The following XRCC5 variants were observed in gnomAD, a reference collection of about 807,000 sequenced individuals.
XRCC5 encodes DNA repair protein Ku80.
XRCC5 carries 12 observed loss-of-function variants against 95.7 expected under a neutral mutation model. That is an observed-to-expected ratio of 0.13 (90% CI 0.08 to 0.20). The LOEUF (loss-of-function observed/expected upper bound fraction) is 0.20. Ranked by LOEUF, XRCC5 falls within the 10% of genes least tolerant of loss-of-function variation. The probability of loss-of-function intolerance (pLI) is 1.00; values close to 1 mark genes in which losing one functional copy is unlikely to be tolerated. For missense variants in XRCC5, 595 were observed against 873.9 expected (o/e 0.68, Z 4.02); for synonymous variants, 281 against 290.3 (o/e 0.97, Z 0.33).
chr2:216,198,533 TTTTA>T (rs3080564), intron 19 of XRCC5, among the ~76,000 whole-genome samples: 12,143 of 147,800 alleles, frequency 0.082, 1,216 homozygotes, highest in East Asian at 0.48. Context: ...TGAAAAATGC[TTTTA>T]TTTATTTATT....
intron 2 of XRCC5, among the ~76,000 whole-genome samples, chr2:216,115,034 G>C (rs1003723604): frequency 7.7e-6 from 1 of 129,446 alleles, no homozygotes; most frequent in African/African-American, 4.9e-5. Context: ...ACTAAACAAA[G>C]AAGGGCGCAG....
At chr2:216,132,759 T>C (rs6751061) in intron 10 of XRCC5, among the ~76,000 whole-genome samples, 6,959 of 152,222 alleles carry the variant, frequency 0.046, 515 homozygotes, top group African/African-American at 0.16. Flanking sequence ...AAATGTGTCT[T>C]TTCTCTATTC....
intron 1 of XRCC5, 144 bp downstream of exon 1, chr2:216,109,601 G>A (rs1696548281): frequency 2.4e-6 from 3 of 1,257,848 alleles, no homozygotes; most frequent in East Asian, 2.7e-5. Flanking sequence ...AGGAGGGCCG[G>A]GACCGAGGGA....
chr2:216,172,564 G>C (rs1689188928), intron 16 of XRCC5, among the ~76,000 whole-genome samples: 1 of 143,974 alleles, frequency 6.9e-6, no homozygotes, highest in African/African-American at 2.6e-5. Context: ...CACCTCCCGG[G>C]TTCAAGTGAT....
At chr2:216,127,800 T>G in intron 8 of XRCC5, 126 bp downstream of exon 8, 1 of 1,142,298 alleles carries the variant, frequency 8.8e-7, no homozygotes, top group South Asian at 1.8e-5. Context: ...TATAACAGTT[T>G]GAAAGGATAA....
At chr2:216,195,211 CT>C (rs1689692186) in intron 19 of XRCC5, among the ~76,000 whole-genome samples, 2 of 152,146 alleles carry the variant, frequency 1.3e-5, no homozygotes, top group Non-Finnish European at 2.9e-5. Context: ...GTAATCCCAG[CT>C]TCAGTACCCC....
intron 12 of XRCC5, among the ~76,000 whole-genome samples, chr2:216,140,724 T>G (rs1396601343): frequency 6.6e-6 from 1 of 152,220 alleles, no homozygotes; most frequent in African/African-American, 2.4e-5. Context: ...GTTAAGGTGC[T>G]GTACTCTGAT....
intron 16 of XRCC5, among the ~76,000 whole-genome samples, chr2:216,174,212 CTTAAAT>C (rs1689226865): frequency 6.6e-6 from 1 of 152,096 alleles, no homozygotes; most frequent in African/African-American, 2.4e-5. Flanking sequence ...CCTTAATGCT[CTTAAAT>C]TCAAAAATAT....
chr2:216,143,866 C>G (rs1408328897), intron 13 of XRCC5, among the ~76,000 whole-genome samples: 3 of 132,046 alleles, frequency 2.3e-5, no homozygotes, highest in Admixed American at 7.2e-5. Context: ...GCCACCACGC[C>G]CGGCTAATTT....
chr2:216,139,590 C>G (rs954851104), intron 12 of XRCC5, among the ~76,000 whole-genome samples: 6 of 152,186 alleles, frequency 3.9e-5, no homozygotes, highest in Non-Finnish European at 7.4e-5. Flanking sequence ...GGTGGGGACA[C>G]AGCCAATTCT....
rs775462055 is a variant in XRCC5, at chr2:216,190,351, A to G, written c.1944+17A>G. On this transcript the variant is annotated intron_variant, in intron 17 of 20. Coordinates refer to ENST00000392132, the MANE Select transcript of XRCC5 (RefSeq NM_021141.4). ...GCCATTAAGGTAATGCTATCCTAGC[A>G]TCTCTTTTCTTCCTAAACAGTTGGC... 3 of 1,604,764 alleles carry G rather than the reference A, an allele frequency of 1.9e-6. No individual in the cohort carries two copies. The South Asian group carries it at 3.3e-5, about 18-fold the overall frequency.
At chr2:216,147,145 A>G (rs575742577) in intron 13 of XRCC5, among the ~76,000 whole-genome samples, 6 of 152,268 alleles carry the variant, frequency 3.9e-5, no homozygotes, top group Admixed American at 1.3e-4. Flanking sequence ...CTGCGGAGAT[A>G]GTATTTCAGC....
At chr2:216,191,331 TAAAAG>T (rs938883447) in intron 17 of XRCC5, among the ~76,000 whole-genome samples, 3 of 151,786 alleles carry the variant, frequency 2.0e-5, no homozygotes, top group Admixed American at 1.3e-4. Flanking sequence ...TTAAAAAAAA[TAAAAG>T]AGAGACAAGA....
intron 15 of XRCC5, 75 bp downstream of exon 15, chr2:216,160,236 G>T: frequency 1.0e-6 from 1 of 990,362 alleles, no homozygotes. Context: ...ATCAATTTTT[G>T]TTAGTCCGTT....
chr2:216,132,233 G>A, intron 9 of XRCC5, 92 bp from the exon 10 acceptor site: 1 of 1,231,564 alleles, frequency 8.1e-7, no homozygotes, highest in Non-Finnish European at 1.2e-6. Context: ...TTTTCAGTAA[G>A]AGGATTTTGA....
chr2:216,159,653 T>G (rs577855175), intron 14 of XRCC5, among the ~76,000 whole-genome samples: 1 of 152,350 alleles, frequency 6.6e-6, no homozygotes, highest in South Asian at 2.1e-4. Context: ...GTCTTCTGTG[T>G]ACATGGAAAG....
At chr2:216,190,190 T>C in intron 16 of XRCC5, 35 bp from the exon 17 acceptor site, 1 of 1,590,774 alleles carries the variant, frequency 6.3e-7, no homozygotes, top group Non-Finnish European at 8.6e-7. Context: ...CAGGCATCAC[T>C]CAAATCTAAG....
chr2:216,197,060 A>C (rs754120660), intron 19 of XRCC5, among the ~76,000 whole-genome samples: 9 of 152,260 alleles, frequency 5.9e-5, no homozygotes, highest in Non-Finnish European at 1.3e-4. Context: ...CCAGCAGCAC[A>C]TCTTAACCAA....
At chr2:216,110,789 A>G (rs1236136500) in intron 1 of XRCC5, among the ~76,000 whole-genome samples, 2 of 152,132 alleles carry the variant, frequency 1.3e-5, no homozygotes, top group Non-Finnish European at 2.9e-5. Flanking sequence ...GCAGCAGCAT[A>G]TTTTGTGACT....
Sources: gnomAD v4.1 joint callset for allele counts (sites outside exome capture counted in the v4.1 genomes callset) on GRCh38, gnomAD v4.1.1 for gene constraint, MANE v1.5 for transcripts, NCBI Gene and HGNC (gene_info 2026-07-23, HGNC 2026-07-21) for gene names.